Variants in SYK observed in about 807,000 individuals in gnomAD.
SYK encodes the protein tyrosine-protein kinase SYK.
Under a neutral mutation model 77.8 loss-of-function variants are expected in SYK, and 16 were observed. That is an observed-to-expected ratio of 0.21 (90% CI 0.14 to 0.31). SYK has a LOEUF of 0.31. Ranked by LOEUF, SYK falls within the 10% of genes least tolerant of loss-of-function variation. SYK has a pLI of 1.00. For missense variants in SYK, 529 were observed against 814.4 expected (o/e 0.65, Z 4.26); for synonymous variants, 312 against 308.7 (o/e 1.01, Z -0.11).
chr9:90,808,097 A>G (rs1412398917), intron 1 of SYK, among the ~76,000 whole-genome samples: 1 of 152,158 alleles, frequency 6.6e-6, no homozygotes. Context: ...CAGTGCTGCA[A>G]TGAATGCACT....
intron 1 of SYK, among the ~76,000 whole-genome samples, chr9:90,831,158 G>A (rs1486744216): frequency 6.6e-6 from 1 of 152,198 alleles, no homozygotes; most frequent in African/African-American, 2.4e-5. Flanking sequence ...GTCTCTGTAT[G>A]ATAGGAGGGC....
At position 90,888,569 on chromosome 9, in the gene SYK, T is replaced by G; in HGVS notation, c.1777T>G (p.Cys593Gly). ...GTTAGAGAAAGGAGAGCGGATGGGG[T>G]GCCCTGCAGGGTGTCCAAGAGAGAT... ...AMLEKGERMG[C>G]PAGCPREMYD... The change falls in exon 13 of 14, where the codon TGC becomes GGC. Residue 593 changes from cysteine to glycine, a missense_variant. Cys to Gly is a radical substitution (Grantham distance 159, BLOSUM62 -3). Around this residue, in one of 2 missense-constraint regions of SYK, gnomAD observed 208 missense variants for 381.3 expected, o/e 0.55. Transcript: ENST00000375754. 1 of 1,612,408 alleles carries G rather than the reference T, an allele frequency of 6.2e-7. No homozygotes were observed. Among genetic ancestry groups the G allele is most frequent in the East Asian group, 2.2e-5 (1 of 44,838 alleles).
In SYK at chr9:90,896,661, A is replaced by G. The variant is rs1829000898; in HGVS notation, c.*1061A>G. 1 of 232,596 alleles carries G rather than the reference A, an allele frequency of 4.3e-6. No individual in the cohort carries two copies. The highest frequency in any genetic ancestry group is 6.1e-5 in the East Asian group (1 of 16,496). The allele number at this position is 232,596 out of a possible 1,614,324, so 14.4% of individuals were successfully genotyped here. A position where few individuals can be genotyped will look rare whatever the true frequency, so the allele number is the denominator to read the frequency against. On this transcript the variant is annotated 3_prime_UTR_variant, in exon 14 of 14. Coordinates refer to ENST00000375754, the MANE Select transcript of SYK (RefSeq NM_003177.7). ...TGTGAATTTGAGTTGAAGATACAAG[A>G]TCGGAGAATGATTTTCTGGTCTTAA...
chr9:90,836,733 G>A (rs561745923), intron 1 of SYK, among the ~76,000 whole-genome samples: 30 of 152,212 alleles, frequency 2.0e-4, no homozygotes, highest in African/African-American at 6.3e-4. Flanking sequence ...GTGCAATACC[G>A]TACAACCTGA....
chr9:90,836,486 A>G (rs1230745577), intron 1 of SYK, among the ~76,000 whole-genome samples: 1 of 152,204 alleles, frequency 6.6e-6, no homozygotes, highest in Non-Finnish European at 1.5e-5. Flanking sequence ...TGCAGTATTA[A>G]ATCATAATTG....
intron 3 of SYK, among the ~76,000 whole-genome samples, chr9:90,858,936 C>T (rs985099448): frequency 5.3e-5 from 8 of 152,216 alleles, no homozygotes; most frequent in African/African-American, 1.9e-4. Flanking sequence ...GGATCGCCTG[C>T]AGAACCTGTC....
At chr9:90,811,503 A>G (rs1825069660) in intron 1 of SYK, among the ~76,000 whole-genome samples, 1 of 152,216 alleles carries the variant, frequency 6.6e-6, no homozygotes, top group African/African-American at 2.4e-5. Flanking sequence ...GTTGATTCAT[A>G]TGTTGGAATC....
At chr9:90,830,850 G>C (rs1442080976) in intron 1 of SYK, among the ~76,000 whole-genome samples, 2 of 152,148 alleles carry the variant, frequency 1.3e-5, no homozygotes, top group Non-Finnish European at 2.9e-5. Flanking sequence ...CTCCCAAAGT[G>C]CTGGGATTAC....
At chr9:90,874,369 G>T in intron 8 of SYK, 78 bp downstream of exon 8, 1 of 1,403,334 alleles carries the variant, frequency 7.1e-7, no homozygotes, top group South Asian at 1.2e-5. Flanking sequence ...GTTGGTTCAC[G>T]AATCCACACC....
At chr9:90,860,385 C>T (rs192403655) in intron 3 of SYK, among the ~76,000 whole-genome samples, 1 of 152,298 alleles carries the variant, frequency 6.6e-6, no homozygotes, top group East Asian at 1.9e-4. Context: ...GATACTTTCC[C>T]TATAAAACAG....
At chr9:90,871,395 G>GA (rs1827721310) in intron 7 of SYK, among the ~76,000 whole-genome samples, 3 of 152,190 alleles carry the variant, frequency 2.0e-5, no homozygotes, top group African/African-American at 7.2e-5. Context: ...AAGGTTAATA[G>GA]TAATGTAGAC....
intron 1 of SYK, among the ~76,000 whole-genome samples, chr9:90,831,585 T>A (rs188934853): frequency 6.6e-6 from 1 of 152,334 alleles, no homozygotes; most frequent in East Asian, 1.9e-4. Flanking sequence ...GGGAAATTAC[T>A]TATTATCAGT....
At chr9:90,847,761 A>C (rs896878499) in intron 3 of SYK, among the ~76,000 whole-genome samples, 1 of 152,342 alleles carries the variant, frequency 6.6e-6, no homozygotes, top group Non-Finnish European at 1.5e-5. Context: ...TGGGTCTGTG[A>C]CTGTCTTGAG....
Position 90,862,135 on chromosome 9 carries a change from G to A in SYK, c.579-71G>A, listed in dbSNP as rs1827287766. On this transcript the variant is annotated intron_variant, in intron 3 of 13. Transcript: ENST00000375754. ...GCGGCTGCTGACCATTCAGGCCAGG[G>A]TGCTTCCTCCCAGGGTCCCACCTGG... The A allele has an allele frequency of 9.9e-6, 15 of 1,512,110 alleles. 1 individual carries two copies. The highest frequency in any genetic ancestry group is 2.6e-5 in the South Asian group (2 of 75,832). 93.7% of individuals were successfully genotyped at this position (1,512,110 alleles called of 1,614,324 possible). A position where few individuals can be genotyped will look rare whatever the true frequency, so the allele number is the denominator to read the frequency against.
chr9:90,872,191 C>T (rs917935087), intron 7 of SYK, among the ~76,000 whole-genome samples: 2 of 152,178 alleles, frequency 1.3e-5, no homozygotes, highest in East Asian at 1.9e-4. Flanking sequence ...ATTTGGAAGT[C>T]CTCCTGGTCT....
intron 1 of SYK, among the ~76,000 whole-genome samples, chr9:90,803,964 T>C (rs373350883): frequency 3.9e-5 from 6 of 152,122 alleles, no homozygotes; most frequent in African/African-American, 1.4e-4. Flanking sequence ...TAAAGAGCTG[T>C]GTGTCTGTTT....
intron 3 of SYK, among the ~76,000 whole-genome samples, chr9:90,852,784 C>A (rs1428459165): frequency 1.3e-5 from 2 of 152,176 alleles, no homozygotes. Flanking sequence ...ATTCATTCAA[C>A]AAAATAGGCA....
chr9:90,870,312 AAG>A (rs1185701592), intron 7 of SYK, among the ~76,000 whole-genome samples: 1 of 152,204 alleles, frequency 6.6e-6, no homozygotes, highest in African/African-American at 2.4e-5. Flanking sequence ...CATCTCTAAA[AAG>A]ACTTCCAGGG....
At chr9:90,884,236 C>T (rs1587913211) in intron 11 of SYK, among the ~76,000 whole-genome samples, 1 of 147,934 alleles carries the variant, frequency 6.8e-6, no homozygotes, top group Non-Finnish European at 1.5e-5. Flanking sequence ...CATACACATA[C>T]GTGTATATAT....
Sources: allele counts gnomAD v4.1 joint callset (sites outside exome capture counted in the v4.1 genomes callset), GRCh38; gene constraint gnomAD v4.1.1; regional missense constraint gnomAD v4.1.1; transcripts MANE v1.5; gene names NCBI Gene and HGNC (gene_info 2026-07-23, HGNC 2026-07-21).